SORBS2: variants seen among roughly 807,000 people sequenced by gnomAD.
SORBS2 encodes sorbin and SH3 domain-containing protein 2.
A neutral mutation model predicts 97.7 loss-of-function variants in SORBS2; 46 were observed. That is an observed-to-expected ratio of 0.47 (90% CI 0.37 to 0.60). The LOEUF is 0.60. Among genes scored for constraint, SORBS2 ranks in the 20% least tolerant of loss-of-function variants. The pLI is 0.00. For missense variants in SORBS2, 1,316 were observed against 1,282.3 expected (o/e 1.03, Z -0.40); for synonymous variants, 476 against 473.4 (o/e 1.01, Z -0.07).
intron 2 of SORBS2, among the ~76,000 whole-genome samples, chr4:185,650,731 G>A (rs2153459688): frequency 6.6e-6 from 1 of 152,270 alleles, no homozygotes; most frequent in African/African-American, 2.4e-5. Flanking sequence ...TCAACAGTCG[G>A]ACTTCAACTT....
intron 2 of SORBS2, among the ~76,000 whole-genome samples, chr4:185,764,091 A>G (rs2098920357): frequency 6.6e-6 from 1 of 152,246 alleles, no homozygotes; most frequent in African/African-American, 2.4e-5. Context: ...TGAAGTCTTT[A>G]TATTAAAAAC....
In SORBS2 at chr4:185,716,490, A is replaced by C. The variant is rs188614306; in HGVS notation, c.-197-37668T>G. ...ATTAAACAGGGGATGTTGCCTTGGC[A>C]CCGACAGGTGTGACTAGCGGTTGAA... On this transcript the variant is annotated intron_variant, in intron 2 of 20. Transcript: ENST00000284776. 9.0e-4 allele frequency among the ~76,000 whole-genome samples: 137 copies of C among 152,342 alleles called. 1 individual carries two copies. The highest frequency in any genetic ancestry group is 2.7e-3 in the Admixed American group (42 of 15,308).
intron 2 of SORBS2, among the ~76,000 whole-genome samples, chr4:185,727,501 G>C (rs2098565090): frequency 6.6e-6 from 1 of 152,188 alleles, no homozygotes; most frequent in African/African-American, 2.4e-5. Flanking sequence ...TCTGAAATCA[G>C]TGACAGGTTA....
chr4:185,752,316 C>T (rs2098805244), intron 2 of SORBS2, among the ~76,000 whole-genome samples: 1 of 152,092 alleles, frequency 6.6e-6, no homozygotes, highest in Admixed American at 6.5e-5. Context: ...CGCTCTGTCG[C>T]CCAGGCTGGA....
intron 1 of SORBS2, among the ~76,000 whole-genome samples, chr4:185,816,735 C>A (rs1397063437): frequency 2.0e-5 from 3 of 152,120 alleles, no homozygotes; most frequent in Non-Finnish European, 4.4e-5. Context: ...CCAAAACAAA[C>A]CCAGCAGAGT....
chr4:185,712,228 A>G (rs781682864), intron 2 of SORBS2, among the ~76,000 whole-genome samples: 1 of 152,164 alleles, frequency 6.6e-6, no homozygotes, highest in African/African-American at 2.4e-5. Context: ...CTTAGCTGGT[A>G]GGTGGGACTA....
At chr4:185,697,073 C>T (rs1354049785) in intron 2 of SORBS2, among the ~76,000 whole-genome samples, 1 of 152,170 alleles carries the variant, frequency 6.6e-6, no homozygotes, top group African/African-American at 2.4e-5. Context: ...ATAGGCAAAG[C>T]TTGACTCAAA....
intron 1 of SORBS2, among the ~76,000 whole-genome samples, chr4:185,777,835 AT>A (rs2099007490): frequency 6.6e-6 from 1 of 152,190 alleles, no homozygotes; most frequent in Non-Finnish European, 1.5e-5. Flanking sequence ...TACGATGTTC[AT>A]TATTCAGGTG....
chr4:185,684,901 A>G lies in SORBS2; in HGVS notation c.-197-6079T>C. 1 of 1,307,970 alleles carries G rather than the reference A, an allele frequency of 7.6e-7. No homozygotes were observed. The highest frequency in any genetic ancestry group is 1.1e-6 in the Non-Finnish European group (1 of 927,004). The allele number at this position is 1,307,970 out of a possible 1,614,324, so 81.0% of individuals were successfully genotyped here. On this transcript the variant is annotated intron_variant, in intron 2 of 20. Transcript: ENST00000284776. The surrounding 1 kb of genome is among the most constrained non-coding windows in gnomAD (Gnocchi z 4.2). ...CCAAGGCAACGGGAAAAGCACGTGC[A>G]ATATCATGCGTTTTAAGAGAAATGT...
intron 1 of SORBS2, among the ~76,000 whole-genome samples, chr4:185,940,174 G>T (rs902370811): frequency 6.6e-6 from 1 of 152,084 alleles, no homozygotes; most frequent in African/African-American, 2.4e-5. Flanking sequence ...GATCTCAGAA[G>T]GTTCCATGGC....
intron 2 of SORBS2, among the ~76,000 whole-genome samples, chr4:185,688,912 C>G (rs1214025079): frequency 6.6e-6 from 1 of 151,948 alleles, no homozygotes; most frequent in African/African-American, 2.4e-5. Flanking sequence ...GAAGTTCATC[C>G]AAATAAGCAA....
At position 185,684,671 on chromosome 4, in the gene SORBS2, T is replaced by G; in HGVS notation, c.-197-5849A>C. On this transcript the variant is annotated intron_variant, in intron 2 of 20. Transcript: ENST00000284776. This position sits in a 1 kb window ranked among gnomAD's most constrained non-coding sequence, Gnocchi z 4.2. ...TTTCCTACAAGATCTCATTTTCCTT[T>G]GCTTTTTACGTTTAGAACAAAAACA... 1 of 1,011,582 alleles carries G rather than the reference T, an allele frequency of 9.9e-7. No homozygotes were observed. The highest frequency in any genetic ancestry group is 1.5e-6 in the Non-Finnish European group (1 of 680,976). 62.7% of individuals were successfully genotyped at this position (1,011,582 alleles called of 1,614,324 possible).
At chr4:185,669,387 A>G (rs995263047) in intron 4 of SORBS2, among the ~76,000 whole-genome samples, 1 of 152,206 alleles carries the variant, frequency 6.6e-6, no homozygotes, top group Non-Finnish European at 1.5e-5. Context: ...ACTGTCTCTA[A>G]GACCACCATA....
chr4:185,912,283 A>G (rs1426980626), intron 1 of SORBS2, among the ~76,000 whole-genome samples: 1 of 152,030 alleles, frequency 6.6e-6, no homozygotes, highest in Non-Finnish European at 1.5e-5. Flanking sequence ...AATGTTTGCT[A>G]TTAAAGATAG....
chr4:185,658,788 C>G (rs1482457744), upstream of SORBS2, among the ~76,000 whole-genome samples: 2 of 145,750 alleles, frequency 1.4e-5, no homozygotes, highest in East Asian at 4.1e-4. Flanking sequence ...TCAAGCGATT[C>G]TCCTGCCTCA....
intron 1 of SORBS2, among the ~76,000 whole-genome samples, chr4:185,872,925 G>A (rs77343051): frequency 0.03 from 4,590 of 152,270 alleles, 98 homozygotes; most frequent in Non-Finnish European, 0.046. Flanking sequence ...GGTGGGAGTC[G>A]CTGGGATATT....
chr4:185,859,905 C>A (rs989288816), intron 1 of SORBS2, among the ~76,000 whole-genome samples: 19 of 152,210 alleles, frequency 1.2e-4, no homozygotes, highest in African/African-American at 3.9e-4. Context: ...GAAGCAAACA[C>A]TGTGAGTCAT....
chr4:185,649,683 CA>C (rs2097277776), intron 2 of SORBS2, 27 bp from the exon 12 acceptor site: 3 of 1,328,160 alleles, frequency 2.3e-6, no homozygotes, highest in Non-Finnish European at 2.9e-6. Flanking sequence ...CAAAAGCAGA[CA>C]AAAAACAGAA....
At chr4:185,824,318 CTG>C (rs1204126206) in intron 1 of SORBS2, among the ~76,000 whole-genome samples, 1 of 152,140 alleles carries the variant, frequency 6.6e-6, no homozygotes, top group Non-Finnish European at 1.5e-5. Flanking sequence ...CACATCTTCC[CTG>C]TGTGTGTCTG....
Sources: allele counts gnomAD v4.1 joint callset (sites outside exome capture counted in the v4.1 genomes callset), GRCh38; gene constraint gnomAD v4.1.1; non-coding constraint Gnocchi (gnomAD v3.1); transcripts MANE v1.5; gene names NCBI Gene and HGNC (gene_info 2026-07-23, HGNC 2026-07-21).